Variants in OSBPL10 observed in about 807,000 individuals in gnomAD.
OSBPL10 encodes oxysterol binding protein like 10.
OSBPL10 carries 49 observed loss-of-function variants against 81.7 expected under a neutral mutation model. The observed-to-expected ratio is 0.60, with a 90% CI of 0.48 to 0.76. The LOEUF is 0.76. OSBPL10 is among the 30% of genes least tolerant of loss of function. OSBPL10 has a pLI of 0.00. For synonymous variants in OSBPL10, 419 were observed against 383.6 expected (o/e 1.09, Z -1.08); for missense variants, 923 against 987.8 (o/e 0.93, Z 0.88).
intron 6 of OSBPL10, among the ~76,000 whole-genome samples, chr3:31,720,761 G>A (rs150073909): frequency 2.3e-3 from 350 of 151,886 alleles, no homozygotes; most frequent in African/African-American, 8.1e-3. Flanking sequence ...TTAGCCGGGC[G>A]TGGTGGTGGG....
At chr3:31,842,667 C>T (rs1418365573) in intron 3 of OSBPL10, among the ~76,000 whole-genome samples, 1 of 152,054 alleles carries the variant, frequency 6.6e-6, no homozygotes, top group Non-Finnish European at 1.5e-5. Flanking sequence ...CTTCCTGTCC[C>T]CAGAGACTCT....
At chr3:32,058,240 T>C (rs1361988366) in intron 1 of OSBPL10, among the ~76,000 whole-genome samples, 2 of 152,220 alleles carry the variant, frequency 1.3e-5, no homozygotes, top group African/African-American at 2.4e-5. Flanking sequence ...GGGATAGATA[T>C]GTGATAAACC....
intron 4 of OSBPL10, among the ~76,000 whole-genome samples, chr3:31,758,191 G>T (rs1697940209): frequency 6.6e-6 from 1 of 152,124 alleles, no homozygotes; most frequent in South Asian, 2.1e-4. Context: ...TCACCTCTTT[G>T]AGAGTTACTC....
chr3:31,964,611 T>C (rs143293546), intron 1 of OSBPL10, among the ~76,000 whole-genome samples: 2 of 152,320 alleles, frequency 1.3e-5, no homozygotes, highest in African/African-American at 4.8e-5. Flanking sequence ...GTCAATTAAA[T>C]TGTCTGAAAA....
intron 3 of OSBPL10, among the ~76,000 whole-genome samples, chr3:31,855,418 T>C (rs926854382): frequency 6.6e-6 from 1 of 152,234 alleles, no homozygotes; most frequent in African/African-American, 2.4e-5. Flanking sequence ...CCATGTAGGA[T>C]ATATTTTTAA....
intron 1 of OSBPL10, among the ~76,000 whole-genome samples, chr3:31,894,038 A>ATC (rs1247067388): frequency 1.2e-4 from 18 of 152,224 alleles, no homozygotes; most frequent in Non-Finnish European, 2.1e-4. Flanking sequence ...TACAAGTGAT[A>ATC]TCTACAGTGA....
Position 31,815,959 on chromosome 3 carries a change from T to TA in OSBPL10, c.729+14080dup, listed in dbSNP as rs1357355615. ...AGCCTTTCATGTCACTGAACTGTGA[T>TA]AAAAAATAACTTGCCACTTAGCTTC... On this transcript the variant is annotated intron_variant, in intron 4 of 11. Transcript: ENST00000396556. 3.9e-5 allele frequency among the ~76,000 whole-genome samples: 6 copies of TA among 152,308 alleles called. No individual in the cohort carries two copies. The Middle Eastern group carries it at 0.014, about 345-fold the overall frequency.
intron 4 of OSBPL10, among the ~76,000 whole-genome samples, chr3:31,804,470 A>C (rs1699474488): frequency 6.6e-6 from 1 of 152,214 alleles, no homozygotes; most frequent in Non-Finnish European, 1.5e-5. Context: ...AAACAAACTG[A>C]TGTCATCATC....
intron 9 of OSBPL10, among the ~76,000 whole-genome samples, chr3:31,670,111 G>A (rs999151365): frequency 2.6e-5 from 4 of 152,184 alleles, no homozygotes; most frequent in African/African-American, 9.7e-5. Context: ...GAGCTGGTGT[G>A]TGCTGGCTCC....
chr3:31,988,933 C>T (rs952903147), intron 2 of OSBPL10: 1 of 1,074,370 alleles, frequency 9.3e-7, no homozygotes, highest in African/African-American at 1.6e-5. Flanking sequence ...CCCCGACCCA[C>T]AGCGACTGTG....
intron 1 of OSBPL10, among the ~76,000 whole-genome samples, chr3:31,905,370 G>A (rs986163315): frequency 2.9e-5 from 1 of 33,912 alleles, no homozygotes; most frequent in African/African-American, 1.2e-4. Flanking sequence ...TTTTTTTTTA[G>A]ACGGACTCCC....
intron 1 of OSBPL10, among the ~76,000 whole-genome samples, chr3:31,897,684 TAG>T (rs1444075026): frequency 6.6e-6 from 1 of 151,950 alleles, no homozygotes; most frequent in African/African-American, 2.4e-5. Flanking sequence ...AGGTTGACAT[TAG>T]AGTTTTTAAT....
chr3:31,683,944 G>A lies in OSBPL10; in HGVS notation c.1416C>T (p.Gly472=), dbSNP rs920603381. 2.8e-5 allele frequency: 45 copies of A among 1,614,118 alleles called. No homozygotes were observed. In the East Asian group the frequency reaches 3.3e-4, roughly 12 times the overall value. The change falls in exon 8 of 12, where the codon GGC becomes GGT. Residue 472 remains glycine (G), a synonymous_variant. Coordinates refer to ENST00000396556, the MANE Select transcript of OSBPL10 (RefSeq NM_017784.5). ...GGTTGTAGGGCTTCTTGGCTAAAGCGCCCTTGCGGCCCTCGTGAAAGGCTG... is the reference window on the plus strand; with the variant it reads ...GGTTGTAGGGCTTCTTGGCTAAAGCACCCTTGCGGCCCTCGTGAAAGGCTG... The part of the protein sequence containing the change: ...YLTAFHEGRK[G]ALAKKPYNPI...
At chr3:31,913,872 T>TAA (rs1472125802) in intron 1 of OSBPL10, among the ~76,000 whole-genome samples, 4 of 152,328 alleles carry the variant, frequency 2.6e-5, no homozygotes, top group Admixed American at 1.3e-4. Context: ...AACCAAGAAC[T>TAA]AACCAGAGGC....
At chr3:31,876,534 A>G in intron 2 of OSBPL10, 22 bp from the exon 3 acceptor site, 1 of 1,585,274 alleles carries the variant, frequency 6.3e-7, no homozygotes, top group Non-Finnish European at 8.7e-7. Context: ...AAAACAGAGA[A>G]AGAAATGATT....
intron 3 of OSBPL10, among the ~76,000 whole-genome samples, chr3:31,833,741 T>A (rs925598746): frequency 9.1e-5 from 13 of 142,268 alleles, no homozygotes; most frequent in East Asian, 2.9e-4. Flanking sequence ...ACACACACTC[T>A]CTCTCTCTTC....
At chr3:31,980,089 C>G (rs935021315) in intron 1 of OSBPL10, among the ~76,000 whole-genome samples, 1 of 151,972 alleles carries the variant, frequency 6.6e-6, no homozygotes, top group African/African-American at 2.4e-5. Context: ...ACTGCAACCT[C>G]TGCCTCCGGG....
At chr3:31,997,247 G>A (rs1208018923) in intron 2 of OSBPL10, among the ~76,000 whole-genome samples, 1 of 151,850 alleles carries the variant, frequency 6.6e-6, no homozygotes, top group East Asian at 1.9e-4. Flanking sequence ...CTCCCTATGA[G>A]CATTTATGAA....
chr3:32,019,326 C>G (rs557102586), intron 2 of OSBPL10, among the ~76,000 whole-genome samples: 1 of 152,150 alleles, frequency 6.6e-6, no homozygotes, highest in Non-Finnish European at 1.5e-5. Flanking sequence ...GCTCCATACT[C>G]TAGAGGCTAC....
Sources: gnomAD v4.1 joint callset for allele counts (sites outside exome capture counted in the v4.1 genomes callset) on GRCh38, gnomAD v4.1.1 for gene constraint, MANE v1.5 for transcripts, NCBI Gene and HGNC (gene_info 2026-07-23, HGNC 2026-07-21) for gene names.